Variants in TBX5 observed in about 807,000 individuals in gnomAD.
TBX5 encodes the protein T-box transcription factor 5.
TBX5 carries 8 observed loss-of-function variants against 51.1 expected under a neutral mutation model. The ratio of observed to expected loss-of-function variants is 0.16; its 90% CI spans 0.09 to 0.28. The LOEUF is 0.28. Among genes scored for constraint, TBX5 ranks in the 10% least tolerant of loss-of-function variants. The pLI, the probability that TBX5 is intolerant of heterozygous loss-of-function variation, is 1.00. For missense variants in TBX5, 589 were observed against 671.7 expected (o/e 0.88, Z 1.36); for synonymous variants, 302 against 266.4 (o/e 1.13, Z -1.30).
intron 5 of TBX5, among the ~76,000 whole-genome samples, chr12:114,395,850 C>T (rs560304224): frequency 1.3e-5 from 2 of 152,208 alleles, no homozygotes; most frequent in African/African-American, 4.8e-5. Flanking sequence ...AGGAGGACTT[C>T]CAGGCTGCAC....
chr12:114,370,434 G>A (rs1334448658), intron 7 of TBX5, among the ~76,000 whole-genome samples: 1 of 152,140 alleles, frequency 6.6e-6, no homozygotes, highest in Non-Finnish European at 1.5e-5. Flanking sequence ...GTCTCACCCA[G>A]GGTCAATCCT....
At chr12:114,384,339 G>A (rs903877767) in intron 7 of TBX5, among the ~76,000 whole-genome samples, 1 of 151,816 alleles carries the variant, frequency 6.6e-6, no homozygotes, top group Non-Finnish European at 1.5e-5. Flanking sequence ...GCAGTAGTGT[G>A]ATCATAGCTC....
intron 7 of TBX5, among the ~76,000 whole-genome samples, chr12:114,374,685 C>T (rs1870097970): frequency 6.6e-6 from 1 of 152,118 alleles, no homozygotes; most frequent in Non-Finnish European, 1.5e-5. Flanking sequence ...GCTTGGGTTT[C>T]ACAGGTATGT....
chr12:114,392,193 A>T (rs1364579065), intron 6 of TBX5, among the ~76,000 whole-genome samples: 1 of 152,078 alleles, frequency 6.6e-6, no homozygotes, highest in Admixed American at 6.5e-5. Flanking sequence ...AAAAAAAAAA[A>T]AAAAAAATCA....
chr12:114,380,102 TC>T (rs1180705413), intron 7 of TBX5, among the ~76,000 whole-genome samples: 1 of 152,080 alleles, frequency 6.6e-6, no homozygotes, highest in East Asian at 1.9e-4. Flanking sequence ...AAACCCTTCT[TC>T]CCAACAGATT....
chr12:114,393,518 A>G (rs1174412289), intron 6 of TBX5, among the ~76,000 whole-genome samples: 1 of 152,162 alleles, frequency 6.6e-6, no homozygotes, highest in Non-Finnish European at 1.5e-5. Context: ...CCACAATAAA[A>G]TGAATCCACA....
intron 8 of TBX5, among the ~76,000 whole-genome samples, chr12:114,356,904 A>C (rs1868948995): frequency 6.6e-6 from 1 of 152,226 alleles, no homozygotes; most frequent in South Asian, 2.1e-4. Context: ...CAGTAGAGCC[A>C]GGATTAGAAT....
chr12:114,405,595 T>C, intron 1 of TBX5, 33 bp downstream of exon 1: 1 of 675,000 alleles, frequency 1.5e-6, no homozygotes, highest in African/African-American at 1.9e-5. Context: ...AGCTCCCTCC[T>C]GAGCCTCCCG....
intron 6 of TBX5, among the ~76,000 whole-genome samples, 184 bp downstream of exon 6, chr12:114,394,557 G>A (rs943495504): frequency 5.9e-5 from 9 of 152,166 alleles, no homozygotes; most frequent in Admixed American, 2.0e-4. Context: ...AGCCAAGCTC[G>A]TGGATATAGT....
Position 114,398,647 on chromosome 12 carries a change from C to G in TBX5, c.436G>C (p.Ala146Pro), listed in dbSNP as rs1464033551. ...GAGACGAGCTGCCTCATCCAATGCGCCCCGGTGGCGGGGGAGTCTGGGTGC... is the reference window on the plus strand; with the variant it reads ...GAGACGAGCTGCCTCATCCAATGCGGCCCGGTGGCGGGGGAGTCTGGGTGC... ...YVHPDSPATG[A>P]HWMRQLVSFQ... The change falls in exon 5 of 9, where the codon GCG becomes CCG. Residue 146 changes from alanine to proline, a missense_variant. Physicochemically the swap from Ala to Pro is conservative, Grantham distance 27. Transcript: ENST00000405440. 1.9e-6 allele frequency: 3 copies of G among 1,613,392 alleles called. No homozygotes were observed. The highest frequency in any genetic ancestry group is 2.5e-6 in the Non-Finnish European group (3 of 1,179,802).
intron 6 of TBX5, among the ~76,000 whole-genome samples, chr12:114,393,423 C>T (rs942471720): frequency 6.6e-6 from 1 of 152,200 alleles, no homozygotes; most frequent in East Asian, 1.9e-4. Context: ...AGGGCAGGGG[C>T]CCCTCCCCCA....
At chr12:114,371,616 C>T (rs1869915572) in intron 7 of TBX5, among the ~76,000 whole-genome samples, 2 of 141,106 alleles carry the variant, frequency 1.4e-5, no homozygotes. Context: ...TCCTGGTGAT[C>T]CTTACCCAAT....
intron 8 of TBX5, among the ~76,000 whole-genome samples, chr12:114,358,694 C>T (rs2136363480): frequency 1.3e-5 from 2 of 152,224 alleles, no homozygotes; most frequent in Middle Eastern, 3.4e-3. Context: ...GTTCTATCTA[C>T]ATCATGCCAA....
intron 7 of TBX5, among the ~76,000 whole-genome samples, chr12:114,374,418 T>G (rs983271293): frequency 1.3e-5 from 2 of 152,152 alleles, no homozygotes; most frequent in Non-Finnish European, 2.9e-5. Flanking sequence ...CCCAGGGAAT[T>G]TGATGTTATA....
chr12:114,395,085 C>A (rs142734695), intron 5 of TBX5, among the ~76,000 whole-genome samples, 192 bp from the exon 6 acceptor site: 65 of 152,194 alleles, frequency 4.3e-4, no homozygotes, highest in African/African-American at 1.5e-3. Flanking sequence ...AATTTCCAAC[C>A]GAAAAAGCCA....
At chr12:114,404,905 C>T (rs913336674) in intron 1 of TBX5, among the ~76,000 whole-genome samples, 1 of 152,224 alleles carries the variant, frequency 6.6e-6, no homozygotes. Flanking sequence ...CGGGTCCCCG[C>T]AATGCATAGA....
chr12:114,389,740 C>A (rs961419532), intron 6 of TBX5, among the ~76,000 whole-genome samples: 1 of 103,498 alleles, frequency 9.7e-6, no homozygotes, highest in Non-Finnish European at 1.7e-5. Context: ...GGCGACAGAG[C>A]GAGACTCCGT....
intron 2 of TBX5, 144 bp downstream of exon 2, chr12:114,403,608 G>T: frequency 3.1e-6 from 4 of 1,281,788 alleles, no homozygotes; most frequent in Non-Finnish European, 4.3e-6. Flanking sequence ...GAATAAAAAG[G>T]AAAAGGGATG....
intron 7 of TBX5, among the ~76,000 whole-genome samples, chr12:114,385,146 G>A (rs1435173017): frequency 6.6e-6 from 1 of 150,816 alleles, no homozygotes; most frequent in Non-Finnish European, 1.5e-5. Flanking sequence ...CTTATGGGAA[G>A]AAAAAGAGAA....
Sources: gnomAD v4.1 joint callset for allele counts (sites outside exome capture counted in the v4.1 genomes callset) on GRCh38, gnomAD v4.1.1 for gene constraint, MANE v1.5 for transcripts, NCBI Gene and HGNC (gene_info 2026-07-23, HGNC 2026-07-21) for gene names.